Variants in CYBRD1 observed in about 807,000 individuals in gnomAD.
The protein encoded by CYBRD1 is cytochrome b reductase 1, also known as plasma membrane ascorbate-dependent reductase CYBRD1.
CYBRD1 carries 14 observed loss-of-function variants against 21.9 expected under a neutral mutation model. The observed-to-expected ratio is 0.64, with a 90% confidence interval of 0.42 to 1.00. The LOEUF (loss-of-function observed/expected upper bound fraction) is 1.00. Ranked by LOEUF, CYBRD1 falls within the 50% of genes least tolerant of loss-of-function variation. The pLI is 0.00. For missense variants in CYBRD1, 328 were observed against 352.5 expected, an observed-to-expected ratio of 0.93 and a Z score of 0.56; for synonymous variants, 146 against 136.5, an observed-to-expected ratio of 1.07 and a Z score of -0.48.
At chr2:171,543,540 T>G (rs1342072332) in intron 2 of CYBRD1, among the ~76,000 whole-genome samples, 1 of 152,170 alleles carries the variant, frequency 6.6e-6, no homozygotes, top group Non-Finnish European at 1.5e-5. Flanking sequence ...GAGGTTACCA[T>G]TCTCCCGGTG....
intron 1 of CYBRD1, chr2:171,539,690 G>C (rs1157749341): frequency 6.6e-6 from 1 of 151,696 alleles, no homozygotes; most frequent in Non-Finnish European, 1.5e-5. Context: ...CTTAAACCAG[G>C]ACACTTAAGA....
chr2:171,552,730 G>GCGATTTCATTAT (rs939725281), intron 2 of CYBRD1, among the ~76,000 whole-genome samples: 1 of 152,202 alleles, frequency 6.6e-6, no homozygotes, highest in African/African-American at 2.4e-5. Flanking sequence ...TATCCCACTA[G>GCGATTTCATTAT]CGATTTCATT....
intron 1 of CYBRD1, chr2:171,523,032 T>G (rs1443614093): frequency 4.5e-6 from 2 of 443,866 alleles, no homozygotes; most frequent in Admixed American, 3.8e-5. Context: ...CTTGGTTAAC[T>G]CTTTGCGGCG....
intron 1 of CYBRD1, among the ~76,000 whole-genome samples, chr2:171,539,043 C>A (rs1697589478): frequency 6.6e-6 from 1 of 152,142 alleles, no homozygotes; most frequent in African/African-American, 2.4e-5. Flanking sequence ...GGTGATCCAC[C>A]TGCCTTGGCC....
intron 1 of CYBRD1, among the ~76,000 whole-genome samples, chr2:171,539,170 T>G (rs1384639260): frequency 1.3e-5 from 2 of 152,090 alleles, no homozygotes; most frequent in Non-Finnish European, 2.9e-5. Context: ...TGAGGCTCCT[T>G]TTTATTTTCT....
intron 1 of CYBRD1, among the ~76,000 whole-genome samples, chr2:171,534,322 T>C (rs1371690784): frequency 6.6e-6 from 1 of 152,204 alleles, no homozygotes; most frequent in African/African-American, 2.4e-5. Flanking sequence ...AGGGGACCTT[T>C]TTCTTCCTTC....
At position 171,554,938 on chromosome 2, in the gene CYBRD1, T is replaced by A; in HGVS notation, c.*111T>A. 8.6e-7 allele frequency: 1 copy of A among 1,160,094 alleles called. No homozygotes were observed. Among genetic ancestry groups the A allele is most frequent in the Non-Finnish European group, 1.3e-6 (1 of 795,970 alleles). The allele number at this position is 1,160,094 out of a possible 1,614,324, so 71.9% of individuals were successfully genotyped here. On this transcript the variant is annotated 3_prime_UTR_variant, in exon 4 of 4. Coordinates refer to ENST00000321348, the MANE Select transcript of CYBRD1 (RefSeq NM_024843.4). Reference sequence around the variant, plus strand: ...GGCTATGTAGTATCAATATTTACTTTAATCACAAAGGATGGTTTCTTGAAA... The same window carrying A: ...GGCTATGTAGTATCAATATTTACTTAAATCACAAAGGATGGTTTCTTGAAA...
chr2:171,547,680 G>C (rs1484965757), intron 2 of CYBRD1, among the ~76,000 whole-genome samples: 1 of 152,090 alleles, frequency 6.6e-6, no homozygotes, highest in Admixed American at 6.5e-5. Flanking sequence ...GTTTTGTTTG[G>C]TGGCAGGAAA....
chr2:171,549,520 G>C (rs1483646545), intron 2 of CYBRD1, among the ~76,000 whole-genome samples: 1 of 152,142 alleles, frequency 6.6e-6, no homozygotes, highest in African/African-American at 2.4e-5. Context: ...TGCCTGTGGG[G>C]TATTCCTGTT....
intron 2 of CYBRD1, among the ~76,000 whole-genome samples, chr2:171,553,023 A>G (rs879331302): frequency 2.0e-5 from 3 of 152,228 alleles, no homozygotes; most frequent in Non-Finnish European, 4.4e-5. Flanking sequence ...ATAAATTGTT[A>G]TAGCCTTAGG....
At chr2:171,527,381 AGACGAGTAAGT>A (rs1295688507) in intron 1 of CYBRD1, among the ~76,000 whole-genome samples, 1 of 152,256 alleles carries the variant, frequency 6.6e-6, no homozygotes, top group Non-Finnish European at 1.5e-5. Context: ...GGCACATGGT[AGACGAGTAAGT>A]GGTTGTTGAA....
chr2:171,527,043 A>G (rs1471216554), intron 1 of CYBRD1, among the ~76,000 whole-genome samples: 14 of 152,186 alleles, frequency 9.2e-5, no homozygotes, highest in Admixed American at 9.2e-4. Flanking sequence ...TTCCAAGATT[A>G]CTTAAATAGA....
chr2:171,536,067 G>A (rs1250070119), intron 1 of CYBRD1, among the ~76,000 whole-genome samples: 1 of 151,386 alleles, frequency 6.6e-6, no homozygotes, highest in Non-Finnish European at 1.5e-5. Flanking sequence ...GCAATATTCT[G>A]TGCACATCAG....
chr2:171,536,597 C>T (rs971951953), intron 1 of CYBRD1, among the ~76,000 whole-genome samples: 11 of 152,058 alleles, frequency 7.2e-5, no homozygotes, highest in Non-Finnish European at 1.3e-4. Context: ...TGAGCCACCA[C>T]GCCCAGCCTG....
In CYBRD1 at chr2:171,522,521, C is replaced by A. The variant is rs755828772; in HGVS notation, c.-25C>A. 1 of 1,575,710 alleles carries A rather than the reference C, an allele frequency of 6.3e-7. No homozygotes were observed. The highest frequency in any genetic ancestry group is 1.2e-5 in the South Asian group (1 of 86,458). ...CCGCCTCTCCAAGTTCTTGTGGCCC[C>A]CGCGGTGCGGAGTATGGGGCGCTGA... On this transcript the variant is annotated 5_prime_UTR_variant, in exon 1 of 4. Transcript: ENST00000321348. The surrounding 1 kb of genome is among the most constrained non-coding windows in gnomAD (Gnocchi z 4.3).
intron 2 of CYBRD1, among the ~76,000 whole-genome samples, chr2:171,545,512 G>A (rs904787342): frequency 2.0e-5 from 3 of 149,604 alleles, no homozygotes; most frequent in Non-Finnish European, 3.0e-5. Flanking sequence ...CCGAGTAGCT[G>A]GGATTACAGG....
chr2:171,538,437 T>A (rs912026817), intron 1 of CYBRD1, among the ~76,000 whole-genome samples: 7 of 152,190 alleles, frequency 4.6e-5, no homozygotes, highest in African/African-American at 1.7e-4. Context: ...AAAAGTGTAC[T>A]TTTTAAGGTA....
rs1574429060 is a variant in CYBRD1, at chr2:171,522,870, G to A, written c.193+132G>A. The A allele has an allele frequency of 6.9e-7, 1 of 1,440,898 alleles. No individual in the cohort carries two copies. The highest frequency in any genetic ancestry group is 2.4e-5 in the East Asian group (1 of 42,282). The allele number at this position is 1,440,898 out of a possible 1,614,324, so 89.3% of individuals were successfully genotyped here. On this transcript the variant is annotated intron_variant, in intron 1 of 3. Coordinates refer to ENST00000321348, the MANE Select transcript of CYBRD1 (RefSeq NM_024843.4). This position sits in a 1 kb window ranked among gnomAD's most constrained non-coding sequence, Gnocchi z 4.3. ...GGGGCCCGGAGGAGTGCGGTGAGGA[G>A]CGCGCGGGAAGCCAAGTCGGCTGGG...
intron 1 of CYBRD1, among the ~76,000 whole-genome samples, chr2:171,529,274 G>T (rs1015082403): frequency 1.3e-5 from 2 of 152,152 alleles, no homozygotes; most frequent in Admixed American, 1.3e-4. Context: ...GCTCATGCCT[G>T]TAATCCCAGC....
Sources: allele counts gnomAD v4.1 joint callset (sites outside exome capture counted in the v4.1 genomes callset), GRCh38; gene constraint gnomAD v4.1.1; non-coding constraint Gnocchi (gnomAD v3.1); transcripts MANE v1.5; gene names NCBI Gene and HGNC (gene_info 2026-07-23, HGNC 2026-07-21).